The following WDPCP variants were observed in gnomAD, a reference collection of about 807,000 sequenced individuals.
WDPCP encodes WD repeat-containing and planar cell polarity effector protein fritz homolog.
WDPCP carries 71 observed loss-of-function variants against 93.1 expected under a neutral mutation model. The observed-to-expected ratio is 0.76, with a 90% CI of 0.63 to 0.93. The LOEUF (loss-of-function observed/expected upper bound fraction) is 0.93, where lower values mean the gene tolerates loss of function less well. Ranked by LOEUF, WDPCP falls within the 40% of genes least tolerant of loss-of-function variation. The pLI is 0.00. For synonymous variants in WDPCP, 315 were observed against 315.0 expected, an observed-to-expected ratio of 1.00 and a Z score of 0.00; for missense variants, 844 against 887.4, an observed-to-expected ratio of 0.95 and a Z score of 0.62.
At chr2:63,215,545 T>C (rs1197499279) in intron 14 of WDPCP, among the ~76,000 whole-genome samples, 1 of 152,194 alleles carries the variant, frequency 6.6e-6, no homozygotes, top group African/African-American at 2.4e-5. Flanking sequence ...TTACACCTTA[T>C]ACAAAAATTA....
intron 6 of WDPCP, among the ~76,000 whole-genome samples, chr2:63,461,422 C>T (rs928346745): frequency 1.5e-4 from 23 of 152,166 alleles, no homozygotes; most frequent in African/African-American, 4.6e-4. Context: ...CTTTGCCTTC[C>T]ACCATGATTG....
chr2:63,607,074 C>T (rs1047432109), intron 3 of WDPCP: 5 of 1,282,294 alleles, frequency 3.9e-6, no homozygotes, highest in African/African-American at 3.0e-5. Context: ...TAATGCTATA[C>T]TTAAATTACT....
At chr2:63,394,571 T>C (rs1211267338) in intron 10 of WDPCP, among the ~76,000 whole-genome samples, 1 of 152,106 alleles carries the variant, frequency 6.6e-6, no homozygotes, top group East Asian at 1.9e-4. Context: ...TGTTCTACTA[T>C]AAAGACACAT....
At chr2:63,220,746 TG>T (rs1486272897) in intron 14 of WDPCP, among the ~76,000 whole-genome samples, 2 of 152,192 alleles carry the variant, frequency 1.3e-5, no homozygotes, top group Non-Finnish European at 1.5e-5. Context: ...GTGCAGGATG[TG>T]CAGGTTTGTT....
chr2:63,126,010 A>G lies in WDPCP; in HGVS notation c.2191-3954T>C, dbSNP rs551497548. ...AGTGTAGTGGTACAATCAAGGCTCA[A>G]TGCAGCCTTGACCTCCGAGGCTCAG... On this transcript the variant is annotated intron_variant, in intron 17 of 17. Coordinates refer to ENST00000272321, the MANE Select transcript of WDPCP (RefSeq NM_015910.7). Among the ~76,000 whole-genome samples, 5 of 151,264 alleles carry G rather than the reference A, an allele frequency of 3.3e-5. No individual in the cohort carries two copies. In the South Asian group the frequency reaches 6.3e-4, roughly 19 times the overall value.
At chr2:63,810,756 A>G (rs1670851981) in intron 2 of WDPCP, among the ~76,000 whole-genome samples, 1 of 152,238 alleles carries the variant, frequency 6.6e-6, no homozygotes, top group Non-Finnish European at 1.5e-5. Flanking sequence ...TTTTAAGCAA[A>G]GGAGAAACAG....
chr2:63,699,510 A>G (rs1461120401), intron 2 of WDPCP, among the ~76,000 whole-genome samples: 1 of 152,212 alleles, frequency 6.6e-6, no homozygotes, highest in Non-Finnish European at 1.5e-5. Context: ...GGTGGTGTAT[A>G]AAGCAGTTTT....
chr2:63,655,936 C>G (rs1358357866), intron 2 of WDPCP, among the ~76,000 whole-genome samples: 3 of 152,172 alleles, frequency 2.0e-5, no homozygotes, highest in Non-Finnish European at 2.9e-5. Flanking sequence ...TACATCAAAT[C>G]ACATGGTGCA....
At chr2:63,340,774 T>G (rs1688777848) in intron 12 of WDPCP, among the ~76,000 whole-genome samples, 1 of 152,202 alleles carries the variant, frequency 6.6e-6, no homozygotes, top group African/African-American at 2.4e-5. Context: ...TGGGTTGTTG[T>G]TGGTAGAAAT....
At chr2:63,369,092 G>GAAAAA (rs952103590) in intron 12 of WDPCP, 24 of 186,072 alleles carry the variant, frequency 1.3e-4, no homozygotes, top group Non-Finnish European at 2.3e-4. Context: ...CTACATAGTA[G>GAAAAA]AAAAAAAAAA....
intron 14 of WDPCP, among the ~76,000 whole-genome samples, chr2:63,254,744 G>A (rs1681001329): frequency 1.3e-5 from 2 of 152,198 alleles, no homozygotes; most frequent in South Asian, 4.1e-4. Flanking sequence ...GGATCATAAA[G>A]TACTATTACA....
chr2:63,376,971 C>A (rs1691901233), intron 12 of WDPCP, among the ~76,000 whole-genome samples: 1 of 151,856 alleles, frequency 6.6e-6, no homozygotes, highest in African/African-American at 2.4e-5. Flanking sequence ...CTTGACCAAT[C>A]TGAAGTTTCC....
chr2:63,783,137 G>C (rs1286083585), intron 2 of WDPCP, among the ~76,000 whole-genome samples: 1 of 151,986 alleles, frequency 6.6e-6, no homozygotes, highest in Non-Finnish European at 1.5e-5. Flanking sequence ...ACCTGGCCAG[G>C]CACAGTGGCT....
chr2:63,536,895 A>G (rs1704323627), intron 1 of WDPCP, among the ~76,000 whole-genome samples: 1 of 149,780 alleles, frequency 6.7e-6, no homozygotes. Context: ...CCTCCCAAGT[A>G]GCTGGGATTA....
At chr2:63,310,567 T>C (rs764521891) in intron 13 of WDPCP, among the ~76,000 whole-genome samples, 1 of 152,148 alleles carries the variant, frequency 6.6e-6, no homozygotes, top group Non-Finnish European at 1.5e-5. Flanking sequence ...AATTTCAGTG[T>C]CCATATATGA....
At chr2:63,564,665 T>G (rs1706891290) in intron 1 of WDPCP, 1 of 152,146 alleles carries the variant, frequency 6.6e-6, no homozygotes, top group Non-Finnish European at 1.5e-5. Context: ...TTATTCAAAA[T>G]TAACAAAGAT....
At chr2:63,627,949 A>C (rs1376679563) in intron 3 of WDPCP, among the ~76,000 whole-genome samples, 5 of 152,130 alleles carry the variant, frequency 3.3e-5, no homozygotes, top group Non-Finnish European at 7.4e-5. Context: ...GCTGTTTAAC[A>C]CTTGAGCCGT....
intron 2 of WDPCP, among the ~76,000 whole-genome samples, chr2:63,776,329 G>A (rs746569844): frequency 4.6e-5 from 7 of 151,526 alleles, no homozygotes; most frequent in East Asian, 1.9e-4. Context: ...TATAAAACAC[G>A]GAAAGATATG....
chr2:63,207,370 G>A (rs781248884), intron 14 of WDPCP, among the ~76,000 whole-genome samples: 1 of 152,074 alleles, frequency 6.6e-6, no homozygotes, highest in African/African-American at 2.4e-5. Context: ...GAAGGAGCTT[G>A]CTTCCCCTTC....
Sources: allele counts gnomAD v4.1 joint callset (sites outside exome capture counted in the v4.1 genomes callset), GRCh38; gene constraint gnomAD v4.1.1; transcripts MANE v1.5; gene names NCBI Gene and HGNC (gene_info 2026-07-23, HGNC 2026-07-21).